The following GPC5 variants were observed in gnomAD, a reference collection of about 807,000 sequenced individuals.
GPC5 encodes glypican-5.
Under a neutral mutation model 53.9 loss-of-function variants are expected in GPC5, and 47 were observed. That is an observed-to-expected ratio of 0.87 (90% CI 0.69 to 1.11). The LOEUF is 1.11. Among genes scored for constraint, GPC5 ranks in the 50% most tolerant of loss-of-function variants. The probability of loss-of-function intolerance (pLI) is 0.00; values close to 1 mark genes in which losing one functional copy is unlikely to be tolerated. For missense variants in GPC5, 748 were observed against 713.1 expected, an observed-to-expected ratio of 1.05 and a Z score of -0.56; for synonymous variants, 286 against 263.3, an observed-to-expected ratio of 1.09 and a Z score of -0.84.
intron 2 of GPC5, among the ~76,000 whole-genome samples, chr13:91,553,763 A>G (rs181048746): frequency 1.7e-3 from 259 of 152,246 alleles, no homozygotes; most frequent in African/African-American, 5.7e-3. Context: ...TCTCATTAAA[A>G]GAAAAACAAT....
At chr13:91,762,918 C>A (rs2037444848) in intron 5 of GPC5, among the ~76,000 whole-genome samples, 1 of 152,140 alleles carries the variant, frequency 6.6e-6, no homozygotes, top group African/African-American at 2.4e-5. Flanking sequence ...CCCCTAAATG[C>A]ACTGTGACAC....
At chr13:92,359,647 G>C (rs1594131407) in intron 7 of GPC5, among the ~76,000 whole-genome samples, 1 of 151,706 alleles carries the variant, frequency 6.6e-6, no homozygotes, top group Admixed American at 6.6e-5. Context: ...ACATGGCTGG[G>C]GAGGCACTGG....
At chr13:92,718,505 C>G (rs1433168551) in intron 7 of GPC5, among the ~76,000 whole-genome samples, 1 of 151,994 alleles carries the variant, frequency 6.6e-6, no homozygotes, top group African/African-American at 2.4e-5. Flanking sequence ...ATTAAACAAT[C>G]GAACTCATGG....
chr13:91,842,201 G>A (rs2038795361), intron 5 of GPC5, among the ~76,000 whole-genome samples: 1 of 151,644 alleles, frequency 6.6e-6, no homozygotes, highest in Admixed American at 6.6e-5. Context: ...TTAGAAACAA[G>A]GCAATTCATT....
intron 6 of GPC5, among the ~76,000 whole-genome samples, chr13:91,963,919 A>C (rs2040151938): frequency 6.6e-6 from 1 of 152,148 alleles, no homozygotes; most frequent in Non-Finnish European, 1.5e-5. Context: ...TGTTGGTGGG[A>C]CTGTAAACTA....
At chr13:91,847,465 C>T (rs1380378103) in intron 5 of GPC5, among the ~76,000 whole-genome samples, 2 of 151,854 alleles carry the variant, frequency 1.3e-5, no homozygotes, top group Admixed American at 6.6e-5. Flanking sequence ...CAAAGAGCAA[C>T]CATGTAGAAT....
At chr13:91,416,156 A>C (rs1878204518) in intron 1 of GPC5, among the ~76,000 whole-genome samples, 1 of 152,172 alleles carries the variant, frequency 6.6e-6, no homozygotes, top group Non-Finnish European at 1.5e-5. Flanking sequence ...GCAAGAGTCC[A>C]TGTACAGTAT....
chr13:91,597,850 C>T (rs1384352586), intron 2 of GPC5, among the ~76,000 whole-genome samples: 1 of 151,952 alleles, frequency 6.6e-6, no homozygotes, highest in African/African-American at 2.4e-5. Context: ...TCTGAGTTCT[C>T]TGTTCATTTC....
chr13:92,652,214 C>T (rs1885981949), intron 7 of GPC5, among the ~76,000 whole-genome samples: 1 of 152,052 alleles, frequency 6.6e-6, no homozygotes, highest in African/African-American at 2.4e-5. Context: ...ATACTTTTCT[C>T]AGATATATTT....
intron 7 of GPC5, among the ~76,000 whole-genome samples, chr13:92,760,702 G>A (rs1875130413): frequency 6.6e-6 from 1 of 150,876 alleles, no homozygotes; most frequent in Admixed American, 6.6e-5. Context: ...GCTGACTTTG[G>A]GTTTAGTTTG....
chr13:91,976,930 T>G (rs773578152), intron 6 of GPC5, among the ~76,000 whole-genome samples: 9 of 151,844 alleles, frequency 5.9e-5, no homozygotes, highest in Non-Finnish European at 1.2e-4. Flanking sequence ...TCCCAGATGC[T>G]CGGGAAGCTG....
intron 7 of GPC5, among the ~76,000 whole-genome samples, chr13:92,309,369 A>C (rs1355206462): frequency 1.3e-5 from 2 of 152,124 alleles, no homozygotes; most frequent in Non-Finnish European, 2.9e-5. Context: ...ACATGACTAC[A>C]TATATAGATG....
chr13:91,688,995 C>CA (rs1020602716), intron 2 of GPC5, among the ~76,000 whole-genome samples: 5 of 150,696 alleles, frequency 3.3e-5, no homozygotes, highest in East Asian at 2.0e-4. Flanking sequence ...CCCATCTCAA[C>CA]AAAAAAATAA....
At chr13:92,379,513 TGTTA>T (rs763176966) in intron 7 of GPC5, among the ~76,000 whole-genome samples, 36 of 152,174 alleles carry the variant, frequency 2.4e-4, no homozygotes, top group Non-Finnish European at 4.7e-4. Flanking sequence ...GTCCTCTGCA[TGTTA>T]GTTCCTCTCT....
At chr13:92,669,593 C>G (rs1244985329) in intron 7 of GPC5, among the ~76,000 whole-genome samples, 1 of 152,144 alleles carries the variant, frequency 6.6e-6, no homozygotes, top group Non-Finnish European at 1.5e-5. Flanking sequence ...ACCTCACTTT[C>G]CTCACACCCT....
At position 92,765,614 on chromosome 13, in the gene GPC5, A is replaced by G. The variant is rs193221703; in HGVS notation, c.1562-100668A>G. Among the ~76,000 whole-genome samples, 313 of 152,326 alleles carry G rather than the reference A, an allele frequency of 2.1e-3. 2 individuals are homozygous for G. The highest frequency in any genetic ancestry group is 6.9e-3 in the African/African-American group (286 of 41,586). On this transcript the variant is annotated intron_variant, in intron 7 of 7. Coordinates refer to ENST00000377067, the MANE Select transcript of GPC5 (RefSeq NM_004466.6). Reference sequence around the variant, plus strand: ...GTTCTCAGCATGTGCTGCCAGGACTAGCAGCATTACCATCGCCTGGGACCT... The same window carrying G: ...GTTCTCAGCATGTGCTGCCAGGACTGGCAGCATTACCATCGCCTGGGACCT...
intron 2 of GPC5, among the ~76,000 whole-genome samples, chr13:91,643,990 A>G (rs954053630): frequency 6.0e-5 from 9 of 149,780 alleles, no homozygotes; most frequent in Non-Finnish European, 1.3e-4. Context: ...ACTTCAACAT[A>G]TGAATTAAAA....
At chr13:91,689,222 TA>T (rs2035697506) in intron 2 of GPC5, among the ~76,000 whole-genome samples, 7 of 113,470 alleles carry the variant, frequency 6.2e-5, no homozygotes, top group African/African-American at 2.0e-4. Context: ...TATATATATA[TA>T]TATATATACA....
chr13:91,449,019 G>A (rs1880998262), intron 2 of GPC5, 97 bp downstream of exon 2: 1 of 1,286,202 alleles, frequency 7.8e-7, no homozygotes, highest in Non-Finnish European at 1.1e-6. Flanking sequence ...TTATTTCCTT[G>A]TATTTACATA....
Sources: allele counts gnomAD v4.1 joint callset (sites outside exome capture counted in the v4.1 genomes callset), GRCh38; gene constraint gnomAD v4.1.1; transcripts MANE v1.5; gene names NCBI Gene and HGNC (gene_info 2026-07-23, HGNC 2026-07-21).